ST3GAL1: variants seen among roughly 807,000 people sequenced by gnomAD.
ST3GAL1 encodes CMP-N-acetylneuraminate-beta-galactosamide-alpha-2,3-sialyltransferase 1.
Under a neutral mutation model 34.1 loss-of-function variants are expected in ST3GAL1, and 16 were observed. The observed-to-expected ratio is 0.47, with a 90% confidence interval of 0.32 to 0.71. The LOEUF (loss-of-function observed/expected upper bound fraction) is 0.71, where lower values mean the gene tolerates loss of function less well. ST3GAL1 is among the 30% of genes least tolerant of loss of function. The pLI, the probability that ST3GAL1 is intolerant of heterozygous loss-of-function variation, is 0.04. For missense variants in ST3GAL1, 353 were observed against 447.4 expected (o/e 0.79, Z 1.90); for synonymous variants, 191 against 184.7 (o/e 1.03, Z -0.28).
chr8:133,494,152 G>A (rs1816871142), intron 3 of ST3GAL1, among the ~76,000 whole-genome samples: 1 of 152,164 alleles, frequency 6.6e-6, no homozygotes, highest in Non-Finnish European at 1.5e-5. Context: ...TAAGCACAGG[G>A]TCTTCAGATT....
chr8:133,500,417 CAAGT>C (rs1817111370), intron 2 of ST3GAL1, among the ~76,000 whole-genome samples: 1 of 152,186 alleles, frequency 6.6e-6, no homozygotes, highest in African/African-American at 2.4e-5. Context: ...AGTATAATTA[CAAGT>C]AAGTACTTTT....
At chr8:133,542,112 C>CA (rs1491542818) in intron 2 of ST3GAL1, among the ~76,000 whole-genome samples, 1,185 of 87,898 alleles carry the variant, frequency 0.013, 11 homozygotes, top group South Asian at 0.086. Context: ...CACACACACA[C>CA]CCACGCACAC....
intron 2 of ST3GAL1, among the ~76,000 whole-genome samples, chr8:133,541,617 G>A (rs568314608): frequency 1.4e-4 from 22 of 152,308 alleles, no homozygotes; most frequent in African/African-American, 5.3e-4. Context: ...AGACACTGCT[G>A]TCAGCAGGGA....
Position 133,543,882 on chromosome 8 carries a change from T to C in ST3GAL1, c.-429+1892A>G, listed in dbSNP as rs545305453. On this transcript the variant is annotated intron_variant, in intron 2 of 9. Coordinates refer to ENST00000522652, the MANE Select transcript of ST3GAL1 (RefSeq NM_173344.3). Reference sequence around the variant, plus strand: ...AATTTAATACTACTATTTGTGTTACTTATAATTACTTCATATCTGCGTTAA... The same window carrying C: ...AATTTAATACTACTATTTGTGTTACCTATAATTACTTCATATCTGCGTTAA... 1.4e-4 allele frequency among the ~76,000 whole-genome samples: 21 copies of C among 152,324 alleles called. No individual in the cohort carries two copies. The East Asian group carries it at 3.3e-3, about 24-fold the overall frequency.
At chr8:133,489,917 A>C (rs1208577483) in intron 3 of ST3GAL1, among the ~76,000 whole-genome samples, 1 of 151,950 alleles carries the variant, frequency 6.6e-6, no homozygotes, top group Non-Finnish European at 1.5e-5. Context: ...GCCTGCAGAC[A>C]AAAGCCCATG....
In ST3GAL1 at chr8:133,458,456, C is replaced by A. The variant is rs752285067; in HGVS notation, c.*1308G>T. 2 of 152,270 alleles carry A rather than the reference C, an allele frequency of 1.3e-5. No individual in the cohort carries two copies. The highest frequency in any genetic ancestry group is 4.1e-4 in the South Asian group (2 of 4,828). The allele number at this position is 152,270 out of a possible 1,614,324, so 9.4% of individuals were successfully genotyped here. ...CCCAAGATGGCCAGCAGGGACTTGA[C>A]CCTGAGCTCAGGCCCTTGGGGAAAA... On this transcript the variant is annotated 3_prime_UTR_variant, in exon 10 of 10. Transcript: ENST00000522652.
At chr8:133,465,809 C>T (rs1586585879) in intron 6 of ST3GAL1, 85 bp downstream of exon 6, 1 of 1,488,596 alleles carries the variant, frequency 6.7e-7, no homozygotes, top group East Asian at 2.3e-5. Context: ...CCTTGCCTTC[C>T]TGAGCCTGAG....
At chr8:133,460,882 T>C (rs58317759) in intron 9 of ST3GAL1, among the ~76,000 whole-genome samples, 4,447 of 150,966 alleles carry the variant, frequency 0.029, 112 homozygotes, top group African/African-American at 0.065. Flanking sequence ...GCGTGGAAGA[T>C]AGATTGGAGG....
Position 133,556,751 on chromosome 8 carries a change from C to T in ST3GAL1, c.-581-10825G>A, listed in dbSNP as rs1464516289. On this transcript the variant is annotated intron_variant, in intron 1 of 9. Transcript: ENST00000522652. This position sits in a 1 kb window ranked among gnomAD's most constrained non-coding sequence, Gnocchi z 8.9. ...GACATCATATAAAGTCTGTCCCTGG[C>T]AAATGTGACCCAGAATGCCACCACT... is the stretch of plus-strand genomic sequence containing the variant. 4.6e-5 allele frequency among the ~76,000 whole-genome samples: 7 copies of T among 152,152 alleles called. No individual in the cohort carries two copies. The highest frequency in any genetic ancestry group is 7.3e-5 in the Non-Finnish European group (5 of 68,034).
chr8:133,532,065 AC>A (rs1818173866), intron 2 of ST3GAL1, among the ~76,000 whole-genome samples: 1 of 152,186 alleles, frequency 6.6e-6, no homozygotes, highest in South Asian at 2.1e-4. Flanking sequence ...AGAGATGAAA[AC>A]CCAGCTGTTT....
At chr8:133,521,931 G>GTTTCTT (rs140294764) in intron 2 of ST3GAL1, among the ~76,000 whole-genome samples, 9,951 of 152,202 alleles carry the variant, frequency 0.065, 442 homozygotes, top group Middle Eastern at 0.15. Flanking sequence ...TTCTGTTTCT[G>GTTTCTT]TTTTGAGCTT....
chr8:133,464,647 T>G, intron 7 of ST3GAL1, 131 bp downstream of exon 7: 1 of 967,394 alleles, frequency 1.0e-6, no homozygotes, highest in South Asian at 1.6e-5. Flanking sequence ...GAACTGGGCT[T>G]GTGTGTGCCG....
chr8:133,519,589 C>T (rs1817743017), intron 2 of ST3GAL1, among the ~76,000 whole-genome samples: 2 of 152,148 alleles, frequency 1.3e-5, no homozygotes, highest in African/African-American at 2.4e-5. Context: ...CAGTAGTCAC[C>T]TTATCCATAA....
chr8:133,515,609 TCTTA>T (rs1238033055), intron 2 of ST3GAL1: 1 of 152,202 alleles, frequency 6.6e-6, no homozygotes, highest in Non-Finnish European at 1.5e-5. Flanking sequence ...GGAGAAATCT[TCTTA>T]CTATTACCCT....
At chr8:133,552,269 C>T (rs976871993) in intron 1 of ST3GAL1, among the ~76,000 whole-genome samples, 10 of 152,146 alleles carry the variant, frequency 6.6e-5, no homozygotes, top group East Asian at 1.9e-4. Context: ...ATGACACTGA[C>T]GGAGAAGGAG....
chr8:133,555,420 A>G lies in ST3GAL1; in HGVS notation c.-581-9494T>C, dbSNP rs899393779. Among the ~76,000 whole-genome samples, 15 of 152,252 alleles carry G rather than the reference A, an allele frequency of 9.9e-5. No homozygotes were observed. In the South Asian group the frequency reaches 3.1e-3, roughly 32 times the overall value. On this transcript the variant is annotated intron_variant, in intron 1 of 9. Transcript: ENST00000522652. ...GTAGTGCAATCTGTTCTCAAACCCC[A>G]GAGATAAAGTCACCAATTCTCACAT... is the stretch of plus-strand genomic sequence containing the variant.
At position 133,476,280 on chromosome 8, in the gene ST3GAL1, T is replaced by C. The variant is rs1816174051; in HGVS notation, c.-53A>G. 1 of 405,376 alleles carries C rather than the reference T, an allele frequency of 2.5e-6. No homozygotes were observed. Among genetic ancestry groups the C allele is most frequent in the South Asian group, 5.3e-5 (1 of 18,866 alleles). 25.1% of individuals were successfully genotyped at this position (405,376 alleles called of 1,614,324 possible). A position where few individuals can be genotyped will look rare whatever the true frequency, so the allele number is the denominator to read the frequency against. On this transcript the variant is annotated splice_region_variant and 5_prime_UTR_variant, in exon 4 of 10. Coordinates refer to ENST00000522652, the MANE Select transcript of ST3GAL1 (RefSeq NM_173344.3). ...TGGCTTTGCTTGCATATATTTACCT[T>C]TTCAGAAAATAAAGTAGCCTATTCT...
chr8:133,501,321 C>A (rs1220903416), intron 2 of ST3GAL1, among the ~76,000 whole-genome samples: 1 of 152,180 alleles, frequency 6.6e-6, no homozygotes, highest in East Asian at 1.9e-4. Flanking sequence ...AGAGTAAGTT[C>A]TCCTATGCCC....
chr8:133,500,774 G>T (rs146781747), intron 2 of ST3GAL1, among the ~76,000 whole-genome samples: 6 of 152,308 alleles, frequency 3.9e-5, no homozygotes, highest in African/African-American at 1.2e-4. Flanking sequence ...CTCCCTGAGG[G>T]CTGAACTATC....
Sources: allele counts gnomAD v4.1 joint callset (sites outside exome capture counted in the v4.1 genomes callset), GRCh38; gene constraint gnomAD v4.1.1; non-coding constraint Gnocchi (gnomAD v3.1); transcripts MANE v1.5; gene names NCBI Gene and HGNC (gene_info 2026-07-23, HGNC 2026-07-21).